Variants in PCDH20 observed in about 807,000 individuals in gnomAD.
The protein encoded by PCDH20 is protocadherin 20, also known as protocadherin-20.
Under a neutral mutation model 39.7 loss-of-function variants are expected in PCDH20, and 18 were observed. The observed-to-expected ratio is 0.45, with a 90% CI of 0.31 to 0.67. The LOEUF (loss-of-function observed/expected upper bound fraction) is 0.67. Ranked by LOEUF, PCDH20 falls within the 30% of genes least tolerant of loss-of-function variation. The pLI, the probability that PCDH20 is intolerant of heterozygous loss-of-function variation, is 0.05. For missense variants in PCDH20, 1,161 were observed against 1,167.4 expected (o/e 0.99, Z 0.08); for synonymous variants, 495 against 455.4 (o/e 1.09, Z -1.11).
chr13:61,411,653 C>T, exon 2 of PCDH20: 1 of 1,614,178 alleles, frequency 6.2e-7, no homozygotes, highest in Non-Finnish European at 8.5e-7. Flanking sequence ...CGATGGAGCC[C>T]ATAATCTGTC....
chr13:61,413,767 G>C, exon 2 of PCDH20: 1 of 1,613,664 alleles, frequency 6.2e-7, no homozygotes, highest in Non-Finnish European at 8.5e-7. Flanking sequence ...GTTCCACTCA[G>C]CACCGGTGCG....
chr13:61,411,712 C>T, exon 2 of PCDH20: 6 of 1,614,116 alleles, frequency 3.7e-6, no homozygotes, highest in Non-Finnish European at 5.1e-6. Flanking sequence ...AGGGTCAATC[C>T]TGAAGGACTC....
exon 2 of PCDH20, chr13:61,413,020 C>A: frequency 6.2e-7 from 1 of 1,614,142 alleles, no homozygotes; most frequent in Non-Finnish European, 8.5e-7. Context: ...AACTTTCTGA[C>A]TGTAAGAATA....
At chr13:61,411,816 G>T in exon 2 of PCDH20, 1 of 1,614,178 alleles carries the variant, frequency 6.2e-7, no homozygotes, top group Non-Finnish European at 8.5e-7. Context: ...TAACCGGGGA[G>T]CCTGGCAGAG....
At chr13:61,412,259 A>G in exon 2 of PCDH20, 1 of 1,614,174 alleles carries the variant, frequency 6.2e-7, no homozygotes, top group Non-Finnish European at 8.5e-7. Flanking sequence ...GGCTTCCCAC[A>G]GTCAACAGCT....
exon 2 of PCDH20, chr13:61,412,055 T>C: frequency 6.2e-7 from 1 of 1,614,142 alleles, no homozygotes; most frequent in Non-Finnish European, 8.5e-7. Context: ...AAAATATCAC[T>C]CTGGTTCACC....
Position 61,413,981 on chromosome 13 carries a change from G to C in PCDH20, c.133-15C>G, listed in dbSNP as rs560956698. 1.3e-6 allele frequency: 2 copies of C among 1,590,874 alleles called. No individual in the cohort carries two copies. The highest frequency in any genetic ancestry group is 4.5e-5 in the East Asian group (2 of 44,234). ...AGAAACAGATGCTGGAGTTGGGGGA[G>C]GGAAGAAAGCTCATTACACACACGG... On this transcript the variant is annotated splice_polypyrimidine_tract_variant and intron_variant, in intron 1 of 1. Transcript: ENST00000409204.
At chr13:61,414,096 G>C (rs1030715853) in intron 1 of PCDH20, 130 bp from the exon 2 acceptor site, 1 of 815,224 alleles carries the variant, frequency 1.2e-6, no homozygotes, top group East Asian at 2.7e-5. Context: ...TAATTAGAAC[G>C]GGGGCGGAGA....
exon 2 of PCDH20, chr13:61,413,333 A>T: frequency 6.2e-7 from 1 of 1,614,100 alleles, no homozygotes; most frequent in Non-Finnish European, 8.5e-7. Context: ...TCCAGGGTGA[A>T]CATACCATGG....
exon 2 of PCDH20, chr13:61,412,939 C>T: frequency 6.2e-7 from 1 of 1,614,154 alleles, no homozygotes; most frequent in Non-Finnish European, 8.5e-7. Flanking sequence ...AACACTTCCT[C>T]CAATCTTACT....
chr13:61,413,926 C>A, exon 2 of PCDH20: 1 of 1,612,870 alleles, frequency 6.2e-7, no homozygotes, highest in Non-Finnish European at 8.5e-7. Flanking sequence ...ACTCCCGAGG[C>A]AGCTGAAGGG....
chr13:61,415,450 G>C (rs1399002695), exon 1 of PCDH20: 2 of 297,858 alleles, frequency 6.7e-6, no homozygotes, highest in South Asian at 1.6e-4. Flanking sequence ...TTACCTACCA[G>C]CCTCCTTCCT....
At chr13:61,412,401 C>T (rs766069481) in exon 2 of PCDH20, 2 of 1,614,058 alleles carry the variant, frequency 1.2e-6, no homozygotes, top group Non-Finnish European at 1.7e-6. Flanking sequence ...CTTGGCCTCT[C>T]TCCTCGCTGT....
intron 1 of PCDH20, among the ~76,000 whole-genome samples, chr13:61,414,202 C>T (rs958997132): frequency 1.3e-5 from 2 of 152,058 alleles, no homozygotes; most frequent in East Asian, 1.9e-4. Flanking sequence ...CCGCCTTCCC[C>T]CCTCGTTTCC....
chr13:61,411,761 T>C lies in PCDH20; in HGVS notation c.2338A>G (p.Ile780Val). The C allele has an allele frequency of 1.2e-6, 2 of 1,614,214 alleles. No homozygotes were observed. The highest frequency in any genetic ancestry group is 1.1e-5 in the South Asian group (1 of 91,088). ...CTTCTCCCTATGATGCTGTAAGCTATGACAGCATTCATGCCTGTGTCTTTG... is the reference window on the plus strand; with the variant it reads ...CTTCTCCCTATGATGCTGTAAGCTACGACAGCATTCATGCCTGTGTCTTTG... Residue 780 changes from isoleucine (I) to valine (V), a missense_variant, in exon 2 of 2, where the codon ATA (isoleucine) becomes GTA (valine). Ile to Val is a conservative substitution (Grantham distance 29, BLOSUM62 3). Around this residue, in one of 3 missense-constraint regions of PCDH20, gnomAD observed 754 missense variants for 777.5 expected, o/e 0.97. Transcript: ENST00000409204.
At chr13:61,413,874 T>C (rs1467068978) in exon 2 of PCDH20, 1 of 1,613,330 alleles carries the variant, frequency 6.2e-7, no homozygotes, top group African/African-American at 1.3e-5. Flanking sequence ...CCGCGGGTAG[T>C]CCCTCGTTTA....
In PCDH20 at chr13:61,415,288, A is replaced by C; in HGVS notation, c.-130T>G. On this transcript the variant is annotated 5_prime_UTR_variant, in exon 1 of 2. The change abolishes the stop of an existing upstream ORF in the 5' untranslated region. Transcript: ENST00000409204. ...GCTCTTCAATTAAGGACGGGAACTC[A>C]AAGAGTGGCAGAAAGGCAAGAGGGC... is the stretch of plus-strand genomic sequence containing the variant. 2 of 1,147,972 alleles carry C rather than the reference A, an allele frequency of 1.7e-6. No individual in the cohort carries two copies. Among genetic ancestry groups the C allele is most frequent in the Non-Finnish European group, 2.2e-6 (2 of 891,062 alleles). 71.1% of individuals were successfully genotyped at this position (1,147,972 alleles called of 1,614,324 possible). A position where few individuals can be genotyped will look rare whatever the true frequency, so the allele number is the denominator to read the frequency against.
At chr13:61,411,119 A>G in exon 2 of PCDH20, 1 of 815,624 alleles carries the variant, frequency 1.2e-6, no homozygotes, top group Non-Finnish European at 1.9e-6. Flanking sequence ...ACAGCTATTT[A>G]CAATATAGAA....
At chr13:61,411,128 A>G (rs1415027657) in exon 2 of PCDH20, 1 of 873,042 alleles carries the variant, frequency 1.1e-6, no homozygotes, top group Non-Finnish European at 1.8e-6. Context: ...TACAATATAG[A>G]ACAAGTTATA....
Sources: gnomAD v4.1 joint callset for allele counts (sites outside exome capture counted in the v4.1 genomes callset) on GRCh38, gnomAD v4.1.1 for gene constraint, gnomAD v4.1.1 regional missense constraint, MANE v1.5 for transcripts, NCBI Gene and HGNC (gene_info 2026-07-23, HGNC 2026-07-21) for gene names.